Variants in OLFM3 observed in about 807,000 individuals in gnomAD.
OLFM3 encodes the protein noelin-3.
OLFM3 carries 20 observed loss-of-function variants against 48.6 expected under a neutral mutation model. The observed-to-expected ratio is 0.41, with a 90% CI of 0.29 to 0.60. The LOEUF (loss-of-function observed/expected upper bound fraction) is 0.60, where lower values mean the gene tolerates loss of function less well. Among genes scored for constraint, OLFM3 ranks in the 20% least tolerant of loss-of-function variants. OLFM3 has a pLI of 0.28. For missense variants in OLFM3, 437 were observed against 544.3 expected, an observed-to-expected ratio of 0.80 and a Z score of 1.96; for synonymous variants, 222 against 198.1, an observed-to-expected ratio of 1.12 and a Z score of -1.01.
intron 3 of OLFM3, among the ~76,000 whole-genome samples, chr1:101,827,354 C>T (rs932685163): frequency 6.6e-6 from 1 of 151,058 alleles, no homozygotes; most frequent in African/African-American, 2.4e-5. Flanking sequence ...CTCACTCTGT[C>T]ACCCAGGCTG....
intron 1 of OLFM3, among the ~76,000 whole-genome samples, chr1:101,938,438 C>T (rs1266172282): frequency 6.6e-6 from 1 of 152,190 alleles, no homozygotes; most frequent in African/African-American, 2.4e-5. Flanking sequence ...AGACCATGAA[C>T]ACATTCTCCA....
chr1:101,921,093 G>A (rs1015756454), intron 1 of OLFM3, among the ~76,000 whole-genome samples: 8 of 152,128 alleles, frequency 5.3e-5, no homozygotes, highest in African/African-American at 1.9e-4. Context: ...TCAATGGTGA[G>A]TGGAAAATGT....
intron 1 of OLFM3, among the ~76,000 whole-genome samples, chr1:101,956,857 T>C (rs1314658044): frequency 6.6e-6 from 1 of 151,926 alleles, no homozygotes; most frequent in Admixed American, 6.6e-5. Flanking sequence ...GGTTTTTGAC[T>C]GTCTTAACTC....
chr1:101,815,953 A>G (rs1297082176), intron 4 of OLFM3, among the ~76,000 whole-genome samples: 2 of 152,230 alleles, frequency 1.3e-5, no homozygotes, highest in Non-Finnish European at 2.9e-5. Context: ...GTAAATCACA[A>G]TATTTATAAG....
chr1:101,957,538 CTAAA>C (rs1329863369), intron 1 of OLFM3, among the ~76,000 whole-genome samples: 1 of 151,996 alleles, frequency 6.6e-6, no homozygotes, highest in Non-Finnish European at 1.5e-5. Context: ...ACCTAAAAAT[CTAAA>C]TGTTGCTAAT....
intron 1 of OLFM3, among the ~76,000 whole-genome samples, chr1:101,867,826 T>C (rs947364724): frequency 6.6e-6 from 1 of 152,204 alleles, no homozygotes; most frequent in African/African-American, 2.4e-5. Flanking sequence ...TCATCTTGAA[T>C]TGTAATTCCC....
intron 4 of OLFM3, among the ~76,000 whole-genome samples, chr1:101,814,612 A>G (rs1654239438): frequency 6.6e-6 from 1 of 152,142 alleles, no homozygotes; most frequent in Non-Finnish European, 1.5e-5. Context: ...GGATTTAGCC[A>G]TTTAGAGAAT....
rs185349277 is a variant in OLFM3, at chr1:101,985,134, C to T, written c.69+11614G>A. Among the ~76,000 whole-genome samples the T allele has an allele frequency of 2.0e-5, 3 of 152,306 alleles. No homozygotes were observed. In the East Asian group the frequency reaches 5.8e-4, roughly 29 times the overall value. Reference sequence around the variant, plus strand: ...TTCCCCATTTTAAAAGTGCATCTCCCCAATCTCTGCTTTTGTCATCCTTGC... The same window carrying T: ...TTCCCCATTTTAAAAGTGCATCTCCTCAATCTCTGCTTTTGTCATCCTTGC... On this transcript the variant is annotated intron_variant, in intron 1 of 5. Transcript: ENST00000370103.
Position 101,804,184 on chromosome 1 carries a change from T to C in OLFM3, c.*54A>G, listed in dbSNP as rs1653642739. On this transcript the variant is annotated 3_prime_UTR_variant, in exon 6 of 6. Transcript: ENST00000370103. This position sits in a 1 kb window ranked among gnomAD's most constrained non-coding sequence, Gnocchi z 4.5. The stretch of plus-strand genomic sequence containing the variant: ...GAAGAAAAAAACGGAAGGGGTCTTA[T>C]AGAGTTTATCACAAATCACACTGTT... 9 of 1,353,238 alleles carry C rather than the reference T, an allele frequency of 6.7e-6. No homozygotes were observed. The highest frequency in any genetic ancestry group is 2.4e-5 in the East Asian group (1 of 41,554). The allele number at this position is 1,353,238 out of a possible 1,614,324, so 83.8% of individuals were successfully genotyped here. A position where few individuals can be genotyped will look rare whatever the true frequency, so the allele number is the denominator to read the frequency against.
intron 3 of OLFM3, among the ~76,000 whole-genome samples, chr1:101,827,454 G>C (rs1022057847): frequency 1.3e-5 from 2 of 152,004 alleles, no homozygotes; most frequent in Non-Finnish European, 2.9e-5. Flanking sequence ...CGAGTGGCTG[G>C]GACTACAAGC....
chr1:101,834,208 G>A (rs1469082574), intron 2 of OLFM3, among the ~76,000 whole-genome samples: 2 of 152,064 alleles, frequency 1.3e-5, no homozygotes, highest in Admixed American at 6.6e-5. Flanking sequence ...AAATGCAAAC[G>A]GATCTGTTAG....
At chr1:101,933,684 G>A (rs894667566) in intron 1 of OLFM3, among the ~76,000 whole-genome samples, 3 of 152,004 alleles carry the variant, frequency 2.0e-5, no homozygotes, top group African/African-American at 7.2e-5. Context: ...AGATCCAAAT[G>A]AAAGAAAAAA....
chr1:101,824,323 T>C (rs1654742691), intron 4 of OLFM3, among the ~76,000 whole-genome samples: 1 of 152,174 alleles, frequency 6.6e-6, no homozygotes, highest in Non-Finnish European at 1.5e-5. Flanking sequence ...AGTTGCAGAC[T>C]AGTCCCATGT....
chr1:101,813,137 T>C, intron 4 of OLFM3: 1 of 1,278,782 alleles, frequency 7.8e-7, no homozygotes, highest in African/African-American at 1.5e-5. Context: ...TTTTCTCTTT[T>C]TTAAATCAAC....
intron 1 of OLFM3, among the ~76,000 whole-genome samples, chr1:101,910,442 G>A (rs1213008397): frequency 6.6e-6 from 1 of 151,210 alleles, no homozygotes; most frequent in African/African-American, 2.4e-5. Flanking sequence ...CTCCAGCCTG[G>A]GCGACAGAGC....
intron 1 of OLFM3, among the ~76,000 whole-genome samples, chr1:101,886,814 CTAA>C (rs1280683874): frequency 7.2e-5 from 11 of 152,114 alleles, no homozygotes; most frequent in Non-Finnish European, 1.6e-4. Flanking sequence ...TACCAGATTA[CTAA>C]TGAGACCATA....
intron 1 of OLFM3, among the ~76,000 whole-genome samples, chr1:101,982,946 T>C (rs1661142066): frequency 1.3e-5 from 2 of 152,156 alleles, no homozygotes; most frequent in Admixed American, 1.3e-4. Flanking sequence ...TATATATTGG[T>C]TGTTTCTCAG....
chr1:101,845,646 A>G (rs1250618560), intron 1 of OLFM3, among the ~76,000 whole-genome samples: 1 of 152,156 alleles, frequency 6.6e-6, no homozygotes, highest in Admixed American at 6.6e-5. Context: ...TATAACTCCA[A>G]ATCTCTTTTA....
rs144888634 is a variant in OLFM3 at position 101,858,731 on chromosome 1, A to T, written c.70-21706T>A. On this transcript the variant is annotated intron_variant, in intron 1 of 5. Transcript: ENST00000370103. ...CTTCCTCCTGTGCCAGCCATGTAAG[A>T]TGTGCCTGCTTTCCCTCTGCCTTCT... Among the ~76,000 whole-genome samples, 724 of 152,108 alleles carry T rather than the reference A, an allele frequency of 4.8e-3. 11 individuals carry two copies. The highest frequency in any genetic ancestry group is 0.016 in the African/African-American group (669 of 41,428).
Sources: allele counts gnomAD v4.1 joint callset (sites outside exome capture counted in the v4.1 genomes callset), GRCh38; gene constraint gnomAD v4.1.1; non-coding constraint Gnocchi (gnomAD v3.1); transcripts MANE v1.5; gene names NCBI Gene and HGNC (gene_info 2026-07-23, HGNC 2026-07-21).